Variants in ZNF618 observed in about 807,000 individuals in gnomAD.
ZNF618 encodes the protein neural precursor cell expressed, developmentally down-regulated 10.
Under a neutral mutation model 103.0 loss-of-function variants are expected in ZNF618, and 34 were observed. The ratio of observed to expected loss-of-function variants is 0.33; its 90% CI spans 0.25 to 0.44. The LOEUF (loss-of-function observed/expected upper bound fraction) is 0.44, where lower values mean the gene tolerates loss of function less well. ZNF618 is among the 20% of genes least tolerant of loss of function. The pLI is 1.00. For missense variants in ZNF618, 1,059 were observed against 1,295.4 expected (o/e 0.82, Z 2.80); for synonymous variants, 551 against 542.2 (o/e 1.02, Z -0.23).
chr9:113,877,044 A>G (rs1053141853), intron 1 of ZNF618, among the ~76,000 whole-genome samples: 2 of 152,006 alleles, frequency 1.3e-5, no homozygotes, highest in African/African-American at 4.8e-5. Context: ...AAAAGTTTGC[A>G]CTACCAGGCA....
At chr9:113,957,716 C>A (rs1213580623) in intron 1 of ZNF618, among the ~76,000 whole-genome samples, 1 of 152,082 alleles carries the variant, frequency 6.6e-6, no homozygotes, top group Non-Finnish European at 1.5e-5. Context: ...GACTTAAAGC[C>A]TTGTCCCTGA....
chr9:113,892,447 C>T (rs1453079611), intron 1 of ZNF618, among the ~76,000 whole-genome samples: 2 of 152,088 alleles, frequency 1.3e-5, no homozygotes, highest in African/African-American at 4.8e-5. Context: ...GGATGTGGAA[C>T]CCATGAAGAC....
chr9:114,048,376 T>G (rs1306436697), intron 14 of ZNF618, among the ~76,000 whole-genome samples: 1 of 152,204 alleles, frequency 6.6e-6, no homozygotes, highest in African/African-American at 2.4e-5. Flanking sequence ...CTAGTTGGCT[T>G]CAAAGATCTA....
chr9:114,016,812 G>A, intron 10 of ZNF618, 28 bp downstream of exon 10: 1 of 1,585,264 alleles, frequency 6.3e-7, no homozygotes. Flanking sequence ...GTAGGGATGG[G>A]GGTTGGGGGA....
chr9:113,931,783 C>A (rs148099809), intron 1 of ZNF618, among the ~76,000 whole-genome samples: 14 of 152,292 alleles, frequency 9.2e-5, no homozygotes, highest in Non-Finnish European at 2.1e-4. Context: ...TTTGATACAT[C>A]GGTTTAAAAA....
At chr9:113,913,304 G>C (rs1164742326) in intron 1 of ZNF618, among the ~76,000 whole-genome samples, 2 of 152,236 alleles carry the variant, frequency 1.3e-5, no homozygotes, top group East Asian at 3.9e-4. Flanking sequence ...TGGTAGAGTT[G>C]AGATTTGAAT....
chr9:114,042,491 G>C (rs1276679364), intron 13 of ZNF618, among the ~76,000 whole-genome samples: 1 of 151,800 alleles, frequency 6.6e-6, no homozygotes, highest in Non-Finnish European at 1.5e-5. Context: ...CCTGGACAGG[G>C]ACAACATAGC....
chr9:113,985,893 G>A (rs115327533), intron 2 of ZNF618, among the ~76,000 whole-genome samples: 2,668 of 152,336 alleles, frequency 0.018, 90 homozygotes, highest in African/African-American at 0.061. Context: ...TAGTATGTTA[G>A]AACACTGCCG....
intron 2 of ZNF618, among the ~76,000 whole-genome samples, chr9:113,977,054 A>G (rs1410253693): frequency 2.0e-5 from 3 of 152,140 alleles, no homozygotes; most frequent in African/African-American, 7.2e-5. Context: ...GCAGTGAGCA[A>G]ACCAGGGCTG....
At chr9:113,898,443 T>G (rs941226181) in intron 1 of ZNF618, among the ~76,000 whole-genome samples, 2 of 151,358 alleles carry the variant, frequency 1.3e-5, no homozygotes, top group East Asian at 2.0e-4. Flanking sequence ...TTTTCGTTTT[T>G]TTTTTTTTTT....
At chr9:113,999,885 G>A (rs1011648665) in intron 4 of ZNF618, among the ~76,000 whole-genome samples, 1 of 152,220 alleles carries the variant, frequency 6.6e-6, no homozygotes, top group African/African-American at 2.4e-5. Context: ...GGTTGAAGGG[G>A]AATTGGCAGA....
At chr9:113,956,594 G>A in intron 1 of ZNF618, among the ~76,000 whole-genome samples, 1 of 152,204 alleles carries the variant, frequency 6.6e-6, no homozygotes, top group Admixed American at 6.5e-5. Flanking sequence ...GCTGAAAACA[G>A]CAGGCCACCC....
At position 113,876,363 on chromosome 9, in the gene ZNF618, C is replaced by G; in HGVS notation, c.-18C>G. 1 of 1,195,110 alleles carries G rather than the reference C, an allele frequency of 8.4e-7. No homozygotes were observed. The highest frequency in any genetic ancestry group is 3.6e-5 in the East Asian group (1 of 27,980). The allele number at this position is 1,195,110 out of a possible 1,614,324, so 74.0% of individuals were successfully genotyped here. Reference sequence around the variant, plus strand: ...GAGGAGCAGGACGCGCCGGGGCCGCCTCCTCCCGCACGGACCCATGAACCA... The same window carrying G: ...GAGGAGCAGGACGCGCCGGGGCCGCGTCCTCCCGCACGGACCCATGAACCA... On this transcript the variant is annotated 5_prime_UTR_variant, in exon 1 of 15. Transcript: ENST00000374126.
At chr9:113,965,860 C>T (rs1020571721) in intron 1 of ZNF618, among the ~76,000 whole-genome samples, 7 of 152,244 alleles carry the variant, frequency 4.6e-5, no homozygotes, top group Non-Finnish European at 8.8e-5. Flanking sequence ...ACCAGGGCTG[C>T]GCTTAGTACT....
In ZNF618 at chr9:114,050,306, C is replaced by CT. The variant is rs952336982; in HGVS notation, c.*146dup. 1.5e-5 allele frequency: 16 copies of CT among 1,044,428 alleles called. 1 individual carries two copies. The highest frequency in any genetic ancestry group is 1.0e-4 in the East Asian group (4 of 39,846). The allele number at this position is 1,044,428 out of a possible 1,614,324, so 64.7% of individuals were successfully genotyped here. ...TAAATGCCCCCTGGAAACTTAAGTG[C>CT]TTTTTTTATATGTGTGTGTGTGCGT... On this transcript the variant is annotated 3_prime_UTR_variant, in exon 15 of 15. Transcript: ENST00000374126.
At chr9:113,958,109 C>T (rs1056191613) in intron 1 of ZNF618, among the ~76,000 whole-genome samples, 1 of 152,082 alleles carries the variant, frequency 6.6e-6, no homozygotes, top group Admixed American at 6.5e-5. Flanking sequence ...AGCAGAGCAG[C>T]ATTTATGCAC....
At chr9:113,933,632 G>A (rs1371892810) in intron 1 of ZNF618, among the ~76,000 whole-genome samples, 1 of 152,264 alleles carries the variant, frequency 6.6e-6, no homozygotes, top group East Asian at 1.9e-4. Flanking sequence ...TTGTTGGGCT[G>A]TACTAAGGGC....
chr9:114,040,822 T>C (rs1460918209), intron 13 of ZNF618, among the ~76,000 whole-genome samples: 6 of 152,256 alleles, frequency 3.9e-5, no homozygotes, highest in Non-Finnish European at 8.8e-5. Context: ...GCAGCATGAT[T>C]TATAATCCTT....
chr9:113,933,354 C>G (rs1364580486), intron 1 of ZNF618, among the ~76,000 whole-genome samples: 3 of 152,200 alleles, frequency 2.0e-5, no homozygotes, highest in African/African-American at 7.2e-5. Context: ...GAAGGGAAAA[C>G]TGATGTTGCA....
Sources: allele counts gnomAD v4.1 joint callset (sites outside exome capture counted in the v4.1 genomes callset), GRCh38; gene constraint gnomAD v4.1.1; transcripts MANE v1.5; gene names NCBI Gene and HGNC (gene_info 2026-07-23, HGNC 2026-07-21).